The following LRRFIP1 variants were observed in gnomAD, a reference collection of about 807,000 sequenced individuals.
The protein encoded by LRRFIP1 is LRR binding FLII interacting protein 1.
In LRRFIP1, 62 loss-of-function variants were observed where a neutral mutation model predicts 104.4. The ratio of observed to expected loss-of-function variants is 0.59; its 90% CI spans 0.48 to 0.73. LRRFIP1 has a LOEUF of 0.73. Ranked by LOEUF, LRRFIP1 falls within the 30% of genes least tolerant of loss-of-function variation. The pLI, the probability that LRRFIP1 is intolerant of heterozygous loss-of-function variation, is 0.00. For synonymous variants in LRRFIP1, 300 were observed against 299.0 expected, an observed-to-expected ratio of 1.00 and a Z score of -0.03; for missense variants, 796 against 824.5, an observed-to-expected ratio of 0.97 and a Z score of 0.42.
Position 237,762,319 on chromosome 2 carries a change from G to A in LRRFIP1, c.1459+2114G>A, listed in dbSNP as rs1169517008. 8.5e-5 allele frequency among the ~76,000 whole-genome samples: 13 copies of A among 152,120 alleles called. No homozygotes were observed. The East Asian group carries it at 2.5e-3, about 29-fold the overall frequency. On this transcript the variant is annotated intron_variant, in intron 19 of 23. Coordinates refer to ENST00000308482, the MANE Select transcript of LRRFIP1 (RefSeq NM_001137550.2). ...GCCTGATCCAGAGTTCTTTCTATTT[G>A]TTGAAACTTAACGTCACCTTTAAAA... is the stretch of plus-strand genomic sequence containing the variant.
chr2:237,772,566 T>C lies in LRRFIP1; in HGVS notation c.1628-300T>C, dbSNP rs1229635224. On this transcript the variant is annotated intron_variant, in intron 21 of 23. Coordinates refer to ENST00000308482, the MANE Select transcript of LRRFIP1 (RefSeq NM_001137550.2). Reference sequence around the variant, plus strand: ...AACAGTCTTAAGGGAGATAAAATTATGCCCAGTCTCTCTCCGCCCTTTTCC... The same window carrying C: ...AACAGTCTTAAGGGAGATAAAATTACGCCCAGTCTCTCTCCGCCCTTTTCC... 3 of 498,202 alleles carry C rather than the reference T, an allele frequency of 6.0e-6. No homozygotes were observed. In the Admixed American group the frequency reaches 1.1e-4, roughly 18 times the overall value. The allele number at this position is 498,202 out of a possible 1,614,324, so 30.9% of individuals were successfully genotyped here. A position where few individuals can be genotyped will look rare whatever the true frequency, so the allele number is the denominator to read the frequency against.
intron 1 of LRRFIP1, among the ~76,000 whole-genome samples, chr2:237,699,335 G>T (rs1200928628): frequency 6.7e-6 from 1 of 149,856 alleles, no homozygotes; most frequent in Admixed American, 6.6e-5. Context: ...AAAAATAGTG[G>T]TTTTTCTTTT....
intron 11 of LRRFIP1, among the ~76,000 whole-genome samples, chr2:237,744,433 T>C (rs149342978): frequency 8.7e-4 from 133 of 152,286 alleles, no homozygotes; most frequent in African/African-American, 3.1e-3. Context: ...ACATATTCTT[T>C]CTTTAGGAAA....
chr2:237,631,217 A>G (rs546072521), intron 1 of LRRFIP1, among the ~76,000 whole-genome samples: 3 of 152,142 alleles, frequency 2.0e-5, no homozygotes, highest in Non-Finnish European at 4.4e-5. Context: ...TAAGTGGAAA[A>G]TTCTGGGCTG....
chr2:237,688,456 C>G (rs28414587), intron 1 of LRRFIP1, among the ~76,000 whole-genome samples: 1 of 90,170 alleles, frequency 1.1e-5, no homozygotes, highest in African/African-American at 3.9e-5. Context: ...TTTTTTTTTT[C>G]TTTTTTTTTT....
At chr2:237,746,614 C>T (rs1258588433) in intron 11 of LRRFIP1, among the ~76,000 whole-genome samples, 1 of 152,166 alleles carries the variant, frequency 6.6e-6, no homozygotes, top group Non-Finnish European at 1.5e-5. Flanking sequence ...GTGGCATGCA[C>T]ATCCGAAAAA....
intron 1 of LRRFIP1, among the ~76,000 whole-genome samples, chr2:237,670,165 T>C (rs2149533896): frequency 6.6e-6 from 1 of 152,376 alleles, no homozygotes; most frequent in Middle Eastern, 3.4e-3. Context: ...AATAAAGCTA[T>C]CTGCTGTCAT....
At chr2:237,679,760 C>T (rs769882271) in intron 1 of LRRFIP1, among the ~76,000 whole-genome samples, 1 of 152,120 alleles carries the variant, frequency 6.6e-6, no homozygotes, top group Non-Finnish European at 1.5e-5. Flanking sequence ...AGGTATGCAC[C>T]ACCACGCCCA....
intron 1 of LRRFIP1, among the ~76,000 whole-genome samples, chr2:237,630,653 G>A (rs2082209090): frequency 3.9e-5 from 6 of 152,240 alleles, no homozygotes; most frequent in Admixed American, 3.9e-4. Flanking sequence ...TGGCTGCTGG[G>A]ACAGAAACCC....
In LRRFIP1 at chr2:237,661,445, A is replaced by G. The variant is rs2087929759; in HGVS notation, c.96+33705A>G. Among the ~76,000 whole-genome samples, 1 of 152,134 alleles carries G rather than the reference A, an allele frequency of 6.6e-6. No homozygotes were observed. ...AACTTTTTGTTCCCCAAAGCCCTCC[A>G]GCTGGCCGGGCTGCCCTCCCCAGAC... is the stretch of plus-strand genomic sequence containing the variant. On this transcript the variant is annotated intron_variant, in intron 1 of 23. Coordinates refer to ENST00000308482, the MANE Select transcript of LRRFIP1 (RefSeq NM_001137550.2). The surrounding 1 kb of genome is among the most constrained non-coding windows in gnomAD (Gnocchi z 4.4).
intron 14 of LRRFIP1, 107 bp downstream of exon 14, chr2:237,751,378 G>C (rs2058610067): frequency 1.2e-6 from 1 of 849,896 alleles, no homozygotes; most frequent in African/African-American, 1.7e-5. Flanking sequence ...CTGTAAATAG[G>C]CTCCAGGGTG....
At chr2:237,631,754 C>G (rs1263241654) in intron 1 of LRRFIP1, among the ~76,000 whole-genome samples, 1 of 152,226 alleles carries the variant, frequency 6.6e-6, no homozygotes, top group Non-Finnish European at 1.5e-5. Context: ...CAAAGTATTG[C>G]TCTCAAATGA....
intron 1 of LRRFIP1, among the ~76,000 whole-genome samples, chr2:237,635,472 T>A (rs780893459): frequency 1.3e-5 from 2 of 152,136 alleles, no homozygotes; most frequent in Non-Finnish European, 2.9e-5. Flanking sequence ...CTCTTGATAT[T>A]TGAACCATGT....
At chr2:237,696,381 T>G (rs2093186183) in intron 1 of LRRFIP1, among the ~76,000 whole-genome samples, 1 of 152,176 alleles carries the variant, frequency 6.6e-6, no homozygotes, top group Non-Finnish European at 1.5e-5. Flanking sequence ...TTTTCCTGCT[T>G]CTCTGCTAGG....
intron 4 of LRRFIP1, among the ~76,000 whole-genome samples, chr2:237,718,842 A>G (rs1357967550): frequency 6.6e-6 from 1 of 152,242 alleles, no homozygotes; most frequent in African/African-American, 2.4e-5. Flanking sequence ...GCCTAGGCAA[A>G]CCATCATTTT....
intron 1 of LRRFIP1, among the ~76,000 whole-genome samples, chr2:237,704,106 C>T (rs557499116): frequency 2.6e-5 from 4 of 151,498 alleles, no homozygotes; most frequent in African/African-American, 9.7e-5. Flanking sequence ...TGCCATTCTT[C>T]GCAGTGTCTC....
intron 1 of LRRFIP1, among the ~76,000 whole-genome samples, chr2:237,676,443 A>G (rs2091176443): frequency 6.6e-6 from 1 of 152,080 alleles, no homozygotes; most frequent in Non-Finnish European, 1.5e-5. Context: ...ACAGCTTTCC[A>G]TTTTCATGAA....
At chr2:237,702,729 G>C (rs73099020) in intron 1 of LRRFIP1, among the ~76,000 whole-genome samples, 2,965 of 152,228 alleles carry the variant, frequency 0.019, 91 homozygotes, top group African/African-American at 0.068. Flanking sequence ...ATGTCCTGCT[G>C]CACGGCAGGG....
chr2:237,716,918 A>G (rs1347271473), intron 3 of LRRFIP1, among the ~76,000 whole-genome samples: 1 of 152,248 alleles, frequency 6.6e-6, no homozygotes, highest in Non-Finnish European at 1.5e-5. Context: ...AGCTAAAGCA[A>G]GCTTGTCCAA....
Sources: gnomAD v4.1 joint callset for allele counts (sites outside exome capture counted in the v4.1 genomes callset) on GRCh38, gnomAD v4.1.1 for gene constraint, Gnocchi (gnomAD v3.1) non-coding constraint, MANE v1.5 for transcripts, NCBI Gene and HGNC (gene_info 2026-07-23, HGNC 2026-07-21) for gene names.